The following WIPF3 variants were observed in gnomAD, a reference collection of about 807,000 sequenced individuals.
WIPF3 encodes the protein WAS/WASL-interacting protein family member 3.
In WIPF3, 33 loss-of-function variants were observed where a neutral mutation model predicts 38.9. The ratio of observed to expected loss-of-function variants is 0.85; its 90% CI spans 0.64 to 1.14. WIPF3 has a LOEUF of 1.14. Among genes scored for constraint, WIPF3 ranks in the 50% most tolerant of loss-of-function variants. The pLI is 0.00. For missense variants in WIPF3, 711 were observed against 652.5 expected (o/e 1.09, Z -0.98); for synonymous variants, 324 against 269.3 (o/e 1.20, Z -1.99).
At chr7:29,866,879 T>TAAGAGG (rs1785397011) in intron 2 of WIPF3, among the ~76,000 whole-genome samples, 1 of 152,222 alleles carries the variant, frequency 6.6e-6, no homozygotes, top group Non-Finnish European at 1.5e-5. Flanking sequence ...GTCTTGTATT[T>TAAGAGG]CCTGGGTATA....
intron 3 of WIPF3, among the ~76,000 whole-genome samples, chr7:29,878,000 A>G (rs1785639263): frequency 6.6e-6 from 1 of 152,228 alleles, no homozygotes; most frequent in African/African-American, 2.4e-5. Context: ...ATAGTCCTAA[A>G]AATAGAATTA....
chr7:29,812,262 A>G (rs1784391749), intron 1 of WIPF3, among the ~76,000 whole-genome samples: 1 of 152,224 alleles, frequency 6.6e-6, no homozygotes, highest in African/African-American at 2.4e-5. Flanking sequence ...AGCAGCTGCC[A>G]AAGTAAACAA....
rs1214565948 is a variant in WIPF3, at chr7:29,834,771, C to G, written c.47C>G (p.Pro16Arg). 1.3e-6 allele frequency: 2 copies of G among 1,493,176 alleles called. No individual in the cohort carries two copies. Among genetic ancestry groups the G allele is most frequent in the African/African-American group, 1.4e-5 (1 of 70,778 alleles). 92.5% of individuals were successfully genotyped at this position (1,493,176 alleles called of 1,614,324 possible). A position where few individuals can be genotyped will look rare whatever the true frequency, so the allele number is the denominator to read the frequency against. The change falls in exon 2 of 9, where the codon CCG becomes CGG. Residue 16 changes from proline to arginine, a missense_variant. Physicochemically the swap from Pro to Arg is moderately radical, Grantham distance 103. Transcript: ENST00000242140. Reference protein sequence around the residue: ...PPPPPLPPPPPPLGAPPPPPP... With the variant: ...PPPPPLPPPPRPLGAPPPPPP... ...CCACCTCCTCTGCCTCCACCTCCCC[C>G]GCCTCTGGGGGCTCCTCCCCCTCCC...
chr7:29,807,504 C>G (rs1445107755), intron 1 of WIPF3, among the ~76,000 whole-genome samples: 1 of 152,194 alleles, frequency 6.6e-6, no homozygotes, highest in Non-Finnish European at 1.5e-5. Context: ...CCGCCCGGGC[C>G]CCGTGGGCAG....
intron 7 of WIPF3, among the ~76,000 whole-genome samples, chr7:29,892,408 T>G (rs879933287): frequency 6.6e-6 from 1 of 152,212 alleles, no homozygotes; most frequent in Non-Finnish European, 1.5e-5. Flanking sequence ...TCTAACAGTC[T>G]GTGTCCTGCC....
At chr7:29,829,105 C>T (rs1784675022) in intron 1 of WIPF3, among the ~76,000 whole-genome samples, 3 of 152,136 alleles carry the variant, frequency 2.0e-5, no homozygotes, top group Admixed American at 2.0e-4. Context: ...AATAAGATCA[C>T]TTCCACCAAG....
chr7:29,866,136 G>A (rs997897903), intron 2 of WIPF3, among the ~76,000 whole-genome samples: 2 of 152,108 alleles, frequency 1.3e-5, no homozygotes, highest in South Asian at 2.1e-4. Context: ...TCCAGCCTGC[G>A]CGACAGAGCA....
chr7:29,914,469 T>C, intron 8 of WIPF3, 24 bp from the exon 9 acceptor site: 1 of 1,500,380 alleles, frequency 6.7e-7, no homozygotes, highest in South Asian at 1.3e-5. Context: ...CTCCACCTGG[T>C]AATGTTCTGT....
intron 2 of WIPF3, among the ~76,000 whole-genome samples, chr7:29,837,891 TA>T (rs1169397541): frequency 1.3e-5 from 2 of 152,116 alleles, no homozygotes; most frequent in African/African-American, 4.8e-5. Flanking sequence ...TTTAGTGAGA[TA>T]TTTTTATTTA....
intron 2 of WIPF3, among the ~76,000 whole-genome samples, chr7:29,837,474 T>A (rs1415755145): frequency 1.3e-5 from 2 of 152,236 alleles, no homozygotes; most frequent in Non-Finnish European, 2.9e-5. Context: ...GACAATAACA[T>A]TTAATATTTT....
At chr7:29,830,916 C>T (rs1018907474) in intron 1 of WIPF3, among the ~76,000 whole-genome samples, 4 of 152,178 alleles carry the variant, frequency 2.6e-5, no homozygotes, top group African/African-American at 7.2e-5. Flanking sequence ...AATTCACCTA[C>T]GTGTACTCAC....
At chr7:29,809,156 T>C (rs1270547419) in intron 1 of WIPF3, among the ~76,000 whole-genome samples, 1 of 152,228 alleles carries the variant, frequency 6.6e-6, no homozygotes, top group East Asian at 1.9e-4. Flanking sequence ...TCCTGAGAAC[T>C]TTGTCCTGAT....
intron 5 of WIPF3, among the ~76,000 whole-genome samples, 159 bp downstream of exon 5, chr7:29,884,752 A>G (rs1043264010): frequency 6.6e-6 from 1 of 152,182 alleles, no homozygotes; most frequent in Non-Finnish European, 1.5e-5. Flanking sequence ...TAAGCAAGGG[A>G]TCCCGGCCTT....
intron 7 of WIPF3, among the ~76,000 whole-genome samples, chr7:29,893,351 G>A (rs1786067086): frequency 6.6e-6 from 1 of 152,194 alleles, no homozygotes; most frequent in Non-Finnish European, 1.5e-5. Context: ...GGGTATACAG[G>A]TCTGGGGCTG....
At chr7:29,886,016 G>A (rs1267676758) in intron 5 of WIPF3, among the ~76,000 whole-genome samples, 1 of 152,066 alleles carries the variant, frequency 6.6e-6, no homozygotes, top group African/African-American at 2.4e-5. Context: ...TTGTTAAAAT[G>A]TCTTTATAAG....
intron 2 of WIPF3, among the ~76,000 whole-genome samples, chr7:29,839,405 C>T (rs552626630): frequency 6.6e-6 from 1 of 152,284 alleles, no homozygotes; most frequent in African/African-American, 2.4e-5. Flanking sequence ...AGAAGTATCA[C>T]CCACAGATGC....
chr7:29,907,685 A>T (rs142043020), intron 8 of WIPF3, among the ~76,000 whole-genome samples: 1 of 152,352 alleles, frequency 6.6e-6, no homozygotes, highest in East Asian at 1.9e-4. Context: ...GGCACCATCT[A>T]GCAGACAGCG....
intron 5 of WIPF3, among the ~76,000 whole-genome samples, chr7:29,884,846 ATAGATGGCAATAG>A (rs1785839649): frequency 1.3e-5 from 2 of 152,182 alleles, no homozygotes; most frequent in Admixed American, 1.3e-4. Flanking sequence ...TAAAATGGGG[ATAGATGGCAATAG>A]TTGTTACCTC....
chr7:29,893,658 A>G (rs756904910), intron 7 of WIPF3, among the ~76,000 whole-genome samples: 67 of 152,210 alleles, frequency 4.4e-4, no homozygotes, highest in Non-Finnish European at 8.4e-4. Flanking sequence ...TCAAGAATGT[A>G]TACTGTTTTT....
Sources: allele counts gnomAD v4.1 joint callset (sites outside exome capture counted in the v4.1 genomes callset), GRCh38; gene constraint gnomAD v4.1.1; transcripts MANE v1.5; gene names NCBI Gene and HGNC (gene_info 2026-07-23, HGNC 2026-07-21).